Variants in TNNI3K observed in about 807,000 individuals in gnomAD.
TNNI3K encodes the protein serine/threonine-protein kinase TNNI3K.
TNNI3K carries 140 observed loss-of-function variants against 114.5 expected under a neutral mutation model. That is an observed-to-expected ratio of 1.22 (90% confidence interval 1.07 to 1.41). The LOEUF (loss-of-function observed/expected upper bound fraction) is 1.41, where lower values mean the gene tolerates loss of function less well. Among genes scored for constraint, TNNI3K ranks in the 40% most tolerant of loss-of-function variants. The probability of loss-of-function intolerance (pLI) is 0.00; values close to 1 mark genes in which losing one functional copy is unlikely to be tolerated. For synonymous variants in TNNI3K, 347 were observed against 347.5 expected, an observed-to-expected ratio of 1.00 and a Z score of 0.02; for missense variants, 1,125 against 1,007.6, an observed-to-expected ratio of 1.12 and a Z score of -1.58.
intron 20 of TNNI3K, among the ~76,000 whole-genome samples, chr1:74,463,020 GTGCAAATTTCAGTGGTAT>G (rs983849954): frequency 2.0e-5 from 3 of 152,166 alleles, no homozygotes; most frequent in African/African-American, 7.2e-5. Context: ...GCTATGAGAA[GTGCAAATTTCAGTGGTAT>G]TCCATGTTTA....
chr1:74,259,810 C>G (rs1198876838), intron 4 of TNNI3K, among the ~76,000 whole-genome samples: 1 of 151,982 alleles, frequency 6.6e-6, no homozygotes, highest in African/African-American at 2.4e-5. Context: ...CTAATGCCTT[C>G]TGGAAATACC....
Position 74,364,855 on chromosome 1 carries a change from C to T in TNNI3K, c.1178-2401C>T, listed in dbSNP as rs370159362. ...CAAGGAAACCAATTATCTCCTAAGG[C>T]CTCTAGAAAGAAATGCAGTCCTGCT... On this transcript the variant is annotated intron_variant, in intron 11 of 24. Transcript: ENST00000326637. Among the ~76,000 whole-genome samples, 25 of 152,150 alleles carry T rather than the reference C, an allele frequency of 1.6e-4. No individual in the cohort carries two copies. In the East Asian group the frequency reaches 3.7e-3, roughly 23 times the overall value.
intron 24 of TNNI3K, among the ~76,000 whole-genome samples, chr1:74,542,867 C>T (rs45579340): frequency 2.9e-4 from 44 of 152,184 alleles, no homozygotes; most frequent in African/African-American, 9.9e-4. Context: ...TGGACAGTGG[C>T]CTGATCCTGA....
intron 11 of TNNI3K, among the ~76,000 whole-genome samples, chr1:74,361,033 T>C (rs1412627924): frequency 6.6e-6 from 1 of 152,142 alleles, no homozygotes; most frequent in Non-Finnish European, 1.5e-5. Context: ...TTCTGCTACA[T>C]GGCATCTGGT....
intron 7 of TNNI3K, among the ~76,000 whole-genome samples, chr1:74,336,842 T>G (rs890625735): frequency 1.3e-5 from 2 of 152,078 alleles, no homozygotes; most frequent in African/African-American, 4.8e-5. Flanking sequence ...GCAGCATGAT[T>G]TATAGTCCTT....
chr1:74,322,217 T>G (rs1659648227), intron 5 of TNNI3K, among the ~76,000 whole-genome samples: 1 of 152,174 alleles, frequency 6.6e-6, no homozygotes, highest in African/African-American at 2.4e-5. Flanking sequence ...GGAAACAGTT[T>G]GTGGTGTTGA....
At chr1:74,293,860 T>G (rs1657818866) in intron 5 of TNNI3K, among the ~76,000 whole-genome samples, 1 of 151,788 alleles carries the variant, frequency 6.6e-6, no homozygotes, top group South Asian at 2.1e-4. Flanking sequence ...ATTAAGAATT[T>G]TTTCCTTCTA....
intron 5 of TNNI3K, among the ~76,000 whole-genome samples, chr1:74,319,499 T>G (rs184968880): frequency 7.7e-4 from 117 of 152,230 alleles, no homozygotes; most frequent in Middle Eastern, 3.4e-3. Flanking sequence ...AGAGATGGAT[T>G]CATAGAGAGA....
rs771946564 is a variant in TNNI3K, at chr1:74,257,663, C to CTTACCTCTT, written c.333+6896_333+6897insACCTCTTTT. On this transcript the variant is annotated intron_variant, in intron 4 of 24. Transcript: ENST00000326637. ...TTGAACTTAGCCTCTTGGCTTACCT[C>CTTACCTCTT]TTTTTTTTTTTTTTTTTTTTTTTGA... Among the ~76,000 whole-genome samples the CTTACCTCTT allele has an allele frequency of 5.6e-3, 485 of 87,312 alleles. 12 individuals carry two copies. The highest frequency in any genetic ancestry group is 0.024 in the African/African-American group (456 of 18,672). The allele number at this position is 87,312 out of a possible 152,430, so 57.3% of individuals were successfully genotyped here.
chr1:74,400,940 C>G lies in TNNI3K; in HGVS notation c.1772+30548C>G, dbSNP rs184354566. 4.0e-4 allele frequency among the ~76,000 whole-genome samples: 61 copies of G among 152,264 alleles called. 1 individual carries two copies. The highest frequency in any genetic ancestry group is 2.7e-3 in the East Asian group (14 of 5,186). ...AGATTCCTGAGAATCCACATGGCCA[C>G]CAAATAATTTTAAGTCTAAGAGAAA... On this transcript the variant is annotated intron_variant, in intron 17 of 24. Coordinates refer to ENST00000326637, the MANE Select transcript of TNNI3K (RefSeq NM_015978.3).
chr1:74,520,603 TC>T (rs1646418222), intron 23 of TNNI3K, among the ~76,000 whole-genome samples: 1 of 151,636 alleles, frequency 6.6e-6, no homozygotes, highest in South Asian at 2.1e-4. Flanking sequence ...AAAATTTTTG[TC>T]TCACAACTTC....
rs1252821361 is a variant in TNNI3K at position 74,261,436 on chromosome 1, C to A, written c.334-10162C>A. The stretch of plus-strand genomic sequence containing the variant: ...TAAACATGAATGAAACTTCATTTAT[C>A]TTTATATATAAATGTATATAAGCAG... On this transcript the variant is annotated intron_variant, in intron 4 of 24. Transcript: ENST00000326637. 2.6e-5 allele frequency among the ~76,000 whole-genome samples: 4 copies of A among 152,078 alleles called. No homozygotes were observed. The South Asian group carries it at 8.3e-4, about 31-fold the overall frequency.
At chr1:74,495,259 C>T (rs1002991436) in intron 23 of TNNI3K, among the ~76,000 whole-genome samples, 1 of 152,166 alleles carries the variant, frequency 6.6e-6, no homozygotes, top group African/African-American at 2.4e-5. Flanking sequence ...ACCATTCCTC[C>T]GAGTAAGCTC....
At position 74,457,780 on chromosome 1, in the gene TNNI3K, C is replaced by T. The variant is rs1193041096; in HGVS notation, c.2012-5661C>T. On this transcript the variant is annotated intron_variant, in intron 20 of 24. Transcript: ENST00000326637. ...ATTGAGAATCTAATACTAACTTATC[C>T]GTAAGTGGGGTATAGATAATTAAGG... Among the ~76,000 whole-genome samples, 5 of 151,940 alleles carry T rather than the reference C, an allele frequency of 3.3e-5. No homozygotes were observed. In the South Asian group the frequency reaches 8.3e-4, roughly 25 times the overall value.
intron 23 of TNNI3K, among the ~76,000 whole-genome samples, chr1:74,506,615 G>A (rs1669915245): frequency 6.6e-6 from 1 of 152,172 alleles, no homozygotes; most frequent in Non-Finnish European, 1.5e-5. Flanking sequence ...AGCAGCTCTG[G>A]CATCACCTAG....
chr1:74,297,070 C>T (rs1451775664), intron 5 of TNNI3K, among the ~76,000 whole-genome samples: 3 of 152,066 alleles, frequency 2.0e-5, no homozygotes, highest in South Asian at 4.1e-4. Context: ...TCTCTCTTTC[C>T]TTTCCTCTTG....
Position 74,331,524 on chromosome 1 carries a change from T to C in TNNI3K, c.519T>C (p.Ile173=), listed in dbSNP as rs201066402. The part of the protein sequence containing the change: ...QDAVFFTPLH[I]AAYYGHEQVT... ...CAGTTTTTTTCACTCCATTGCATAT[T>C]GCAGCGTACTATGGACATGAACAGG... Residue 173 remains isoleucine (I), a synonymous_variant, in exon 6 of 25, where the codon ATT becomes ATC. Coordinates refer to ENST00000326637, the MANE Select transcript of TNNI3K (RefSeq NM_015978.3). 1.5e-5 allele frequency: 24 copies of C among 1,613,434 alleles called. No homozygotes were observed. In the Admixed American group the frequency reaches 3.3e-4, roughly 22 times the overall value.
intron 23 of TNNI3K, among the ~76,000 whole-genome samples, chr1:74,538,334 C>A (rs1032428223): frequency 1.3e-5 from 2 of 151,658 alleles, no homozygotes; most frequent in Non-Finnish European, 2.9e-5. Flanking sequence ...ATAATAAGAC[C>A]CTTTGGGGGG....
At chr1:74,241,517 T>G (rs1435425661) in intron 2 of TNNI3K, among the ~76,000 whole-genome samples, 1 of 152,244 alleles carries the variant, frequency 6.6e-6, no homozygotes, top group Non-Finnish European at 1.5e-5. Flanking sequence ...GATTTGCATT[T>G]CTCTGATGGC....
Sources: allele counts gnomAD v4.1 joint callset (sites outside exome capture counted in the v4.1 genomes callset), GRCh38; gene constraint gnomAD v4.1.1; transcripts MANE v1.5; gene names NCBI Gene and HGNC (gene_info 2026-07-23, HGNC 2026-07-21).